The following PGM5 variants were observed in gnomAD, a reference collection of about 807,000 sequenced individuals.
PGM5 encodes the protein phosphoglucomutase-like protein 5.
PGM5 carries 23 observed loss-of-function variants against 59.2 expected under a neutral mutation model. The observed-to-expected ratio is 0.39, with a 90% CI of 0.28 to 0.55. The LOEUF is 0.55. Ranked by LOEUF, PGM5 falls within the 20% of genes least tolerant of loss-of-function variation. PGM5 has a pLI of 0.66. For synonymous variants in PGM5, 214 were observed against 286.0 expected, an observed-to-expected ratio of 0.75 and a Z score of 2.54; for missense variants, 574 against 748.3, an observed-to-expected ratio of 0.77 and a Z score of 2.72.
intron 6 of PGM5, chr9:68,397,848 T>A (rs1822551428): frequency 6.6e-6 from 1 of 152,212 alleles, no homozygotes; most frequent in East Asian, 1.9e-4. Context: ...ACTGTGATGC[T>A]GGGATTAGAA....
intron 10 of PGM5, among the ~76,000 whole-genome samples, chr9:68,503,141 A>T (rs1254858977): frequency 6.6e-6 from 1 of 152,194 alleles, no homozygotes; most frequent in Non-Finnish European, 1.5e-5. Context: ...CCAGAAATAA[A>T]GTATAGAGCC....
At chr9:68,477,832 G>T (rs1824131029) in intron 7 of PGM5, among the ~76,000 whole-genome samples, 1 of 152,194 alleles carries the variant, frequency 6.6e-6, no homozygotes, top group African/African-American at 2.4e-5. Context: ...ATTGTCCATA[G>T]ATTACAGATG....
chr9:68,367,891 GT>G (rs1237766915), intron 1 of PGM5, among the ~76,000 whole-genome samples: 1 of 150,246 alleles, frequency 6.7e-6, no homozygotes, highest in African/African-American at 2.5e-5. Context: ...AGGCTGAGGG[GT>G]TTTTTTGTTC....
intron 9 of PGM5, among the ~76,000 whole-genome samples, chr9:68,494,704 T>C (rs1824454835): frequency 6.6e-6 from 1 of 152,230 alleles, no homozygotes; most frequent in Non-Finnish European, 1.5e-5. Context: ...ATGGTTCAAC[T>C]CCATTGTTTT....
intron 7 of PGM5, among the ~76,000 whole-genome samples, chr9:68,468,990 T>C (rs1389444251): frequency 1.3e-5 from 2 of 152,212 alleles, no homozygotes; most frequent in Non-Finnish European, 2.9e-5. Flanking sequence ...CTATCTCAGC[T>C]CACTGCAACC....
chr9:68,463,454 T>C (rs1420485448), intron 6 of PGM5, among the ~76,000 whole-genome samples: 2 of 150,754 alleles, frequency 1.3e-5, no homozygotes, highest in Non-Finnish European at 3.0e-5. Flanking sequence ...CCTAGCCTGC[T>C]TTGAGATCTA....
chr9:68,470,716 G>A (rs1824006783), intron 7 of PGM5, among the ~76,000 whole-genome samples: 1 of 152,156 alleles, frequency 6.6e-6, no homozygotes, highest in Non-Finnish European at 1.5e-5. Context: ...AGGTCCTACT[G>A]CACTTCTTTT....
chr9:68,449,837 G>T (rs1012499450), intron 6 of PGM5, among the ~76,000 whole-genome samples: 2 of 152,178 alleles, frequency 1.3e-5, no homozygotes, highest in African/African-American at 4.8e-5. Flanking sequence ...TACAAGTGTC[G>T]CAGAATTAAT....
At chr9:68,419,002 C>A (rs191106741) in intron 6 of PGM5, among the ~76,000 whole-genome samples, 3 of 152,236 alleles carry the variant, frequency 2.0e-5, no homozygotes, top group Non-Finnish European at 4.4e-5. Context: ...ATGGCTGGAA[C>A]TTTTACTTAA....
At chr9:68,445,900 G>A (rs1375755712) in intron 6 of PGM5, among the ~76,000 whole-genome samples, 3 of 152,188 alleles carry the variant, frequency 2.0e-5, no homozygotes, top group Non-Finnish European at 4.4e-5. Context: ...GGATCTCCAA[G>A]TGCCTTTTAA....
intron 1 of PGM5, chr9:68,357,670 C>G (rs71501761): frequency 4.5e-5 from 19 of 422,810 alleles, no homozygotes; most frequent in South Asian, 9.7e-5. Context: ...GACTCTTCTC[C>G]GACTCTGCGC....
At chr9:68,521,617 G>A (rs1445381893) in intron 10 of PGM5, among the ~76,000 whole-genome samples, 1 of 152,186 alleles carries the variant, frequency 6.6e-6, no homozygotes, top group Non-Finnish European at 1.5e-5. Flanking sequence ...TATACCCAAT[G>A]AAGAGAAATG....
At chr9:68,439,056 C>T (rs1302245526) in intron 6 of PGM5, among the ~76,000 whole-genome samples, 2 of 152,066 alleles carry the variant, frequency 1.3e-5, no homozygotes, top group African/African-American at 2.4e-5. Context: ...TACTCATTAA[C>T]CCCATTTCTT....
intron 6 of PGM5, among the ~76,000 whole-genome samples, chr9:68,447,510 C>G (rs1823632435): frequency 2.0e-5 from 3 of 152,108 alleles, no homozygotes; most frequent in Admixed American, 2.0e-4. Flanking sequence ...CTCTCTGAGT[C>G]TCAATATCCT....
chr9:68,483,762 C>A, intron 8 of PGM5, 103 bp from the exon 9 acceptor site: 1 of 1,006,050 alleles, frequency 9.9e-7, no homozygotes. Context: ...CATTTCTGTG[C>A]TGTCCTTCCC....
chr9:68,406,927 A>C (rs1413162191), intron 6 of PGM5, among the ~76,000 whole-genome samples: 5 of 151,346 alleles, frequency 3.3e-5, no homozygotes, highest in Non-Finnish European at 7.4e-5. Context: ...TGTGGATACT[A>C]GTGAGGCAGG....
chr9:68,392,572 G>A (rs1479551675), intron 6 of PGM5, 99 bp downstream of exon 6: 1 of 1,547,024 alleles, frequency 6.5e-7, no homozygotes, highest in African/African-American at 1.4e-5. Flanking sequence ...GCTCCATTTG[G>A]GAATGCGTTG....
chr9:68,391,489 A>G (rs1822362313), intron 4 of PGM5, 45 bp from the exon 5 acceptor site: 52 of 1,603,046 alleles, frequency 3.2e-5, no homozygotes, highest in Non-Finnish European at 4.4e-5. Flanking sequence ...TACTCTGGGG[A>G]GAAGGTTCTG....
At chr9:68,442,519 T>A (rs1221289272) in intron 6 of PGM5, among the ~76,000 whole-genome samples, 1 of 152,180 alleles carries the variant, frequency 6.6e-6, no homozygotes, top group Non-Finnish European at 1.5e-5. Context: ...CACCCTGGCC[T>A]CCCAAAGTGC....
Sources: gnomAD v4.1 joint callset for allele counts (sites outside exome capture counted in the v4.1 genomes callset) on GRCh38, gnomAD v4.1.1 for gene constraint, MANE v1.5 for transcripts, NCBI Gene and HGNC (gene_info 2026-07-23, HGNC 2026-07-21) for gene names.